CCSER1: variants seen among roughly 807,000 people sequenced by gnomAD.
The protein encoded by CCSER1 is coiled-coil serine rich protein 1.
Under a neutral mutation model 82.0 loss-of-function variants are expected in CCSER1, and 41 were observed. The observed-to-expected ratio is 0.50, with a 90% CI of 0.39 to 0.65. CCSER1 has a LOEUF of 0.65. CCSER1 is among the 30% of genes least tolerant of loss of function. CCSER1 has a pLI of 0.00. For missense variants in CCSER1, 1,119 were observed against 1,064.2 expected, an observed-to-expected ratio of 1.05 and a Z score of -0.72; for synonymous variants, 414 against 383.9, an observed-to-expected ratio of 1.08 and a Z score of -0.92.
At position 90,627,140 on chromosome 4, in the gene CCSER1, T is replaced by A. The variant is rs183265236; in HGVS notation, c.1725-885T>A. Among the ~76,000 whole-genome samples, 22 of 152,252 alleles carry A rather than the reference T, an allele frequency of 1.4e-4. No individual in the cohort carries two copies. In the East Asian group the frequency reaches 4.1e-3, roughly 28 times the overall value. On this transcript the variant is annotated intron_variant, in intron 5 of 10. Transcript: ENST00000509176. The stretch of plus-strand genomic sequence containing the variant: ...AATGGAGGTAGTAATTATTATCTTA[T>A]CCCTTCACAGGACAATTGAACCACT...
chr4:91,257,601 C>G (rs1740798782), intron 10 of CCSER1, among the ~76,000 whole-genome samples: 1 of 151,490 alleles, frequency 6.6e-6, no homozygotes, highest in Non-Finnish European at 1.5e-5. Context: ...AACAAAGGAA[C>G]AAAAATTTTG....
chr4:90,507,900 C>A lies in CCSER1; in HGVS notation c.1724+39546C>A, dbSNP rs375382514. On this transcript the variant is annotated intron_variant, in intron 5 of 10. Transcript: ENST00000509176. ...CATTTGACAACTCAGTGAGAAGATT[C>A]AATTTTATTTTATATAGATATTTTA... is the stretch of plus-strand genomic sequence containing the variant. 4.0e-5 allele frequency among the ~76,000 whole-genome samples: 6 copies of A among 151,754 alleles called. No individual in the cohort carries two copies. The East Asian group carries it at 9.7e-4, about 24-fold the overall frequency.
intron 5 of CCSER1, among the ~76,000 whole-genome samples, chr4:90,555,896 A>T (rs956115851): frequency 1.3e-5 from 2 of 152,124 alleles, no homozygotes; most frequent in Non-Finnish European, 2.9e-5. Context: ...TACTAGACAC[A>T]GGAAGTTATT....
At chr4:91,412,378 G>A (rs2149373521) in intron 10 of CCSER1, among the ~76,000 whole-genome samples, 1 of 152,002 alleles carries the variant, frequency 6.6e-6, no homozygotes, top group Non-Finnish European at 1.5e-5. Flanking sequence ...ATATTCTGAG[G>A]CCAATACTGC....
intron 6 of CCSER1, among the ~76,000 whole-genome samples, chr4:90,639,573 T>C (rs1726103680): frequency 2.0e-5 from 3 of 152,006 alleles, no homozygotes; most frequent in South Asian, 2.1e-4. Flanking sequence ...AGATGTGTAG[T>C]GTTTTTTTGA....
At chr4:91,321,785 A>G (rs1746213636) in intron 10 of CCSER1, among the ~76,000 whole-genome samples, 1 of 152,062 alleles carries the variant, frequency 6.6e-6, no homozygotes, top group South Asian at 2.1e-4. Context: ...TTCAGTCATG[A>G]ACATGTTCAT....
chr4:90,434,443 C>T (rs1378125634), intron 4 of CCSER1, among the ~76,000 whole-genome samples: 1 of 152,038 alleles, frequency 6.6e-6, no homozygotes, highest in Admixed American at 6.6e-5. Flanking sequence ...GGCTTATAGC[C>T]TCACATGGTG....
At chr4:91,439,801 C>T (rs1424321882) in intron 10 of CCSER1, among the ~76,000 whole-genome samples, 1 of 152,050 alleles carries the variant, frequency 6.6e-6, no homozygotes, top group East Asian at 1.9e-4. Flanking sequence ...AAAAAAAAGG[C>T]AGGGGTTGCA....
At chr4:90,178,949 T>G (rs533868186) in intron 1 of CCSER1, among the ~76,000 whole-genome samples, 1 of 152,314 alleles carries the variant, frequency 6.6e-6, no homozygotes, top group East Asian at 1.9e-4. Flanking sequence ...GGTGATTTTT[T>G]TCACCATTTA....
chr4:91,448,430 C>T (rs1001120992), intron 10 of CCSER1, among the ~76,000 whole-genome samples: 1 of 152,002 alleles, frequency 6.6e-6, no homozygotes, highest in Non-Finnish European at 1.5e-5. Context: ...TTGCTTAAAA[C>T]ATATTTATCA....
chr4:91,408,139 A>AGAT (rs1752811890), intron 10 of CCSER1, among the ~76,000 whole-genome samples: 1 of 152,164 alleles, frequency 6.6e-6, no homozygotes, highest in Non-Finnish European at 1.5e-5. Context: ...AGATAAAGAG[A>AGAT]GATGTTCATG....
chr4:90,139,003 A>G (rs557865701), intron 1 of CCSER1, among the ~76,000 whole-genome samples: 2 of 152,138 alleles, frequency 1.3e-5, no homozygotes, highest in Non-Finnish European at 2.9e-5. Flanking sequence ...TCCCCATATA[A>G]TTGATGGTCC....
chr4:91,303,574 C>A (rs774097151), intron 10 of CCSER1, among the ~76,000 whole-genome samples: 19 of 151,822 alleles, frequency 1.3e-4, no homozygotes, highest in Non-Finnish European at 2.4e-4. Flanking sequence ...TCACTTGAGT[C>A]CAGGAGTTCA....
chr4:90,816,097 C>T (rs1377975705), intron 8 of CCSER1, among the ~76,000 whole-genome samples: 2 of 152,096 alleles, frequency 1.3e-5, no homozygotes, highest in African/African-American at 4.8e-5. Flanking sequence ...CAGGATTAAA[C>T]ATTTCGGTTG....
chr4:90,366,432 A>C lies in CCSER1; in HGVS notation c.1510-33604A>C, dbSNP rs760546433. Among the ~76,000 whole-genome samples, 22 of 151,874 alleles carry C rather than the reference A, an allele frequency of 1.4e-4. 1 individual carries two copies. The highest frequency in any genetic ancestry group is 2.8e-4 in the Non-Finnish European group (19 of 67,828). ...GGGGTACAAAGTGATGTTATAATTT[A>C]TGAATACAGTGTGGAATAATTAAGC... is the stretch of plus-strand genomic sequence containing the variant. On this transcript the variant is annotated intron_variant, in intron 3 of 10. Coordinates refer to ENST00000509176, the MANE Select transcript of CCSER1 (RefSeq NM_001145065.2).
chr4:90,764,612 C>T (rs1750922492), intron 7 of CCSER1, among the ~76,000 whole-genome samples: 1 of 152,006 alleles, frequency 6.6e-6, no homozygotes, highest in Non-Finnish European at 1.5e-5. Context: ...TCTGTAAGAA[C>T]TGAAAAATTG....
chr4:91,166,504 G>A (rs772019836), intron 10 of CCSER1, among the ~76,000 whole-genome samples: 5 of 152,148 alleles, frequency 3.3e-5, no homozygotes, highest in Non-Finnish European at 7.4e-5. Context: ...AAGTAATAAT[G>A]ACACCGTCTA....
intron 1 of CCSER1, among the ~76,000 whole-genome samples, chr4:90,290,373 G>A (rs75541595): frequency 0.041 from 6,246 of 151,926 alleles, 213 homozygotes; most frequent in Non-Finnish European, 0.06. Context: ...TCCAATGCCA[G>A]TATGTGGTTT....
intron 1 of CCSER1, among the ~76,000 whole-genome samples, chr4:90,307,741 G>A (rs1410643662): frequency 6.6e-6 from 1 of 152,026 alleles, no homozygotes; most frequent in Non-Finnish European, 1.5e-5. Context: ...TGTCTTGTTT[G>A]TGATTCTGTT....
Sources: gnomAD v4.1 joint callset for allele counts (sites outside exome capture counted in the v4.1 genomes callset) on GRCh38, gnomAD v4.1.1 for gene constraint, MANE v1.5 for transcripts, NCBI Gene and HGNC (gene_info 2026-07-23, HGNC 2026-07-21) for gene names.